Variants in PRMT9 observed in about 807,000 individuals in gnomAD.
The protein encoded by PRMT9 is protein arginine methyltransferase 9.
PRMT9 carries 59 observed loss-of-function variants against 83.2 expected under a neutral mutation model. That is an observed-to-expected ratio of 0.71 (90% CI 0.57 to 0.88). PRMT9 has a LOEUF of 0.88. Among genes scored for constraint, PRMT9 ranks in the 40% least tolerant of loss-of-function variants. The probability of loss-of-function intolerance (pLI) is 0.00; values close to 1 mark genes in which losing one functional copy is unlikely to be tolerated. For missense variants in PRMT9, 947 were observed against 1,021.9 expected (o/e 0.93, Z 1.00); for synonymous variants, 333 against 353.2 (o/e 0.94, Z 0.64).
chr4:147,655,291 T>C (rs948064307), intron 8 of PRMT9, among the ~76,000 whole-genome samples: 13 of 151,830 alleles, frequency 8.6e-5, no homozygotes, highest in Admixed American at 3.9e-4. Flanking sequence ...GTCTCCCAAG[T>C]AGCTGAGACT....
Position 147,680,177 on chromosome 4 carries a change from T to C in PRMT9, c.338+146A>G, listed in dbSNP as rs1736371452. On this transcript the variant is annotated intron_variant, in intron 2 of 11. Coordinates refer to ENST00000322396, the MANE Select transcript of PRMT9 (RefSeq NM_138364.4). The stretch of plus-strand genomic sequence containing the variant: ...ATATTACAAAATATTAAAACTGCTA[T>C]GATTATTATATATCTGCTATTCTTT... 6 of 777,802 alleles carry C rather than the reference T, an allele frequency of 7.7e-6. No individual in the cohort carries two copies. The South Asian group carries it at 9.8e-5, about 13-fold the overall frequency. 48.2% of individuals were successfully genotyped at this position (777,802 alleles called of 1,614,324 possible).
chr4:147,646,749 C>G (rs1254068265), intron 9 of PRMT9, among the ~76,000 whole-genome samples: 1 of 152,126 alleles, frequency 6.6e-6, no homozygotes, highest in Non-Finnish European at 1.5e-5. Flanking sequence ...CAAATCAATT[C>G]TGACACTACC....
At chr4:147,682,953 T>C (rs1736591935) in intron 1 of PRMT9, among the ~76,000 whole-genome samples, 1 of 152,212 alleles carries the variant, frequency 6.6e-6, no homozygotes, top group South Asian at 2.1e-4. Context: ...ATGTCAATAG[T>C]GCTGAGGTTG....
At chr4:147,683,057 A>G (rs1445439882) in intron 1 of PRMT9, among the ~76,000 whole-genome samples, 2 of 152,268 alleles carry the variant, frequency 1.3e-5, no homozygotes, top group Non-Finnish European at 2.9e-5. Flanking sequence ...AAAAAAGAAC[A>G]GCATTTCAAC....
At chr4:147,655,233 G>A (rs1339583835) in intron 8 of PRMT9, among the ~76,000 whole-genome samples, 1 of 152,124 alleles carries the variant, frequency 6.6e-6, no homozygotes, top group Non-Finnish European at 1.5e-5. Flanking sequence ...GTGTAACATG[G>A]TCCCCTGCAG....
At chr4:147,642,386 G>A (rs531526337) in intron 10 of PRMT9, among the ~76,000 whole-genome samples, 9 of 149,504 alleles carry the variant, frequency 6.0e-5, no homozygotes, top group East Asian at 1.9e-4. Context: ...TTGCAGGCAC[G>A]CACCACCACA....
Position 147,661,789 on chromosome 4 carries a change from C to CAAAA in PRMT9, c.954-755_954-752dup, listed in dbSNP as rs70958573. 4.0e-3 allele frequency among the ~76,000 whole-genome samples: 239 copies of CAAAA among 59,750 alleles called. 4 individuals are homozygous for CAAAA. Among genetic ancestry groups the CAAAA allele is most frequent in the Middle Eastern group, 0.019 (1 of 52 alleles). 39.2% of individuals were successfully genotyped at this position (59,750 alleles called of 152,430 possible). ...TGGGCAACAGAGCGAGACTCCATCT[C>CAAAA]AAAAAAAAAAAAAAAAAAAAAAAAT... is the stretch of plus-strand genomic sequence containing the variant. On this transcript the variant is annotated intron_variant, in intron 6 of 11. Coordinates refer to ENST00000322396, the MANE Select transcript of PRMT9 (RefSeq NM_138364.4).
chr4:147,681,541 C>T lies in PRMT9; in HGVS notation c.190-1070G>A, dbSNP rs113060872. Among the ~76,000 whole-genome samples the T allele has an allele frequency of 3.8e-3, 571 of 152,240 alleles. 4 individuals are homozygous for T. Among genetic ancestry groups the T allele is most frequent in the African/African-American group, 0.013 (544 of 41,532 alleles). ...GTGGCTCATGCCTGTAATCCCAGCCCTTTGGGAGGCCAAGGCAGGCAGATC... is the reference window on the plus strand; with the variant it reads ...GTGGCTCATGCCTGTAATCCCAGCCTTTTGGGAGGCCAAGGCAGGCAGATC... On this transcript the variant is annotated intron_variant, in intron 1 of 11. Transcript: ENST00000322396.
intron 4 of PRMT9, chr4:147,672,080 G>T: frequency 3.0e-6 from 1 of 336,460 alleles, no homozygotes. Flanking sequence ...CAGCCCAAGT[G>T]GAACAAGACA....
At chr4:147,656,127 G>C (rs1207488217) in intron 8 of PRMT9, among the ~76,000 whole-genome samples, 1 of 152,120 alleles carries the variant, frequency 6.6e-6, no homozygotes, top group East Asian at 1.9e-4. Flanking sequence ...AAGTAGCAGA[G>C]ACAAGAACTG....
chr4:147,662,319 T>C (rs190782355), intron 6 of PRMT9, among the ~76,000 whole-genome samples: 28 of 152,286 alleles, frequency 1.8e-4, no homozygotes, highest in Non-Finnish European at 3.5e-4. Flanking sequence ...AGATAGTAGG[T>C]GCTCTAGGGA....
At chr4:147,647,525 CTTT>C (rs111868573) in intron 9 of PRMT9, among the ~76,000 whole-genome samples, 9 of 141,490 alleles carry the variant, frequency 6.4e-5, no homozygotes, top group Non-Finnish European at 6.2e-5. Context: ...TTACACTTTT[CTTT>C]TTTTTTTTTT....
In PRMT9 at chr4:147,641,983, T is replaced by C. The variant is rs557801974; in HGVS notation, c.2199+804A>G. Among the ~76,000 whole-genome samples, 11 of 152,250 alleles carry C rather than the reference T, an allele frequency of 7.2e-5. No homozygotes were observed. The South Asian group carries it at 2.1e-3, about 29-fold the overall frequency. On this transcript the variant is annotated intron_variant, in intron 10 of 11. Coordinates refer to ENST00000322396, the MANE Select transcript of PRMT9 (RefSeq NM_138364.4). ...CAGCCCATTTCTAAGTCTTGACTCC[T>C]TATTTCCTAAACAGAGGCTAACCCC...
At chr4:147,661,065 G>T (rs370058516) in intron 6 of PRMT9, 27 bp from the exon 7 acceptor site, 17 of 1,472,310 alleles carry the variant, frequency 1.2e-5, no homozygotes, top group Non-Finnish European at 1.4e-5. Context: ...TAGGGGAGGG[G>T]TAGGAAGATG....
chr4:147,654,155 G>A lies in PRMT9; in HGVS notation c.1742C>T (p.Pro581Leu). The change falls in exon 9 of 12, where the codon CCT becomes CTT. Residue 581 changes from proline (P) to leucine (L), a missense_variant. By Grantham distance (98) the Pro-to-Leu change is moderately conservative. Coordinates refer to ENST00000322396, the MANE Select transcript of PRMT9 (RefSeq NM_138364.4). Reference protein sequence around the residue: ...QSNTVQNILEPFYVLDVSEGF... With the variant: ...QSNTVQNILELFYVLDVSEGF... ...TTCGGACACATCTAACACGTAGAAA[G>A]GTTCAAGGATGTTCTGTACAGTATT... is the stretch of plus-strand genomic sequence containing the variant. The A allele has an allele frequency of 1.9e-6, 3 of 1,614,212 alleles. No homozygotes were observed. Among genetic ancestry groups the A allele is most frequent in the Non-Finnish European group, 2.5e-6 (3 of 1,180,038 alleles).
At chr4:147,677,677 G>A (rs1009880028) in intron 2 of PRMT9, among the ~76,000 whole-genome samples, 2 of 151,858 alleles carry the variant, frequency 1.3e-5, no homozygotes, top group African/African-American at 2.4e-5. Flanking sequence ...GGCTGGTCTC[G>A]AACTCCTGAC....
chr4:147,670,240 C>T (rs1488413621), intron 5 of PRMT9, among the ~76,000 whole-genome samples: 5 of 152,288 alleles, frequency 3.3e-5, no homozygotes, highest in South Asian at 2.1e-4. Context: ...AGTGCAATGG[C>T]GTGACCTCAA....
chr4:147,668,630 C>T lies in PRMT9; in HGVS notation c.862G>A (p.Ala288Thr), dbSNP rs1191797239. Residue 288 changes from alanine to threonine, a missense_variant, in exon 6 of 12, where the codon GCT (alanine) becomes ACT (threonine). Transcript: ENST00000322396. The stretch of plus-strand genomic sequence containing the variant: ...ACTTTCCCATACTTTTCACAATTAG[C>T]ACTTTCACCTTTGGTCTAAAAAAAA... ...LLQPKTKGES[A>T]NCEKYGKVIP... 1.2e-6 allele frequency: 2 copies of T among 1,605,766 alleles called. No homozygotes were observed. The highest frequency in any genetic ancestry group is 1.7e-6 in the Non-Finnish European group (2 of 1,172,916).
intron 3 of PRMT9, 128 bp downstream of exon 3, chr4:147,673,510 C>T: frequency 2.7e-6 from 2 of 729,640 alleles, no homozygotes; most frequent in Admixed American, 2.2e-5. Flanking sequence ...ATAATAGTTA[C>T]ATAAATAACC....
Sources: gnomAD v4.1 joint callset for allele counts (sites outside exome capture counted in the v4.1 genomes callset) on GRCh38, gnomAD v4.1.1 for gene constraint, MANE v1.5 for transcripts, NCBI Gene and HGNC (gene_info 2026-07-23, HGNC 2026-07-21) for gene names.